Variants in CTNNA3 observed in about 807,000 individuals in gnomAD.
The protein encoded by CTNNA3 is catenin alpha-3.
CTNNA3 carries 76 observed loss-of-function variants against 95.7 expected under a neutral mutation model. That is an observed-to-expected ratio of 0.79 (90% CI 0.66 to 0.96). The LOEUF is 0.96. Among genes scored for constraint, CTNNA3 ranks in the 40% least tolerant of loss-of-function variants. The pLI is 0.00. For synonymous variants in CTNNA3, 431 were observed against 374.4 expected, an observed-to-expected ratio of 1.15 and a Z score of -1.74; for missense variants, 1,191 against 1,089.8, an observed-to-expected ratio of 1.09 and a Z score of -1.31.
intron 4 of CTNNA3, among the ~76,000 whole-genome samples, chr10:67,523,012 T>C (rs1840031260): frequency 6.6e-6 from 1 of 152,158 alleles, no homozygotes; most frequent in African/African-American, 2.4e-5. Flanking sequence ...TTATAGAATA[T>C]AATTAAGTTT....
At chr10:66,751,576 C>G (rs1839143034) in intron 9 of CTNNA3, among the ~76,000 whole-genome samples, 1 of 152,114 alleles carries the variant, frequency 6.6e-6, no homozygotes, top group Non-Finnish European at 1.5e-5. Flanking sequence ...TCTTCATCTT[C>G]CTAATGAGAG....
intron 17 of CTNNA3, among the ~76,000 whole-genome samples, chr10:65,939,035 T>C (rs1346020076): frequency 6.6e-6 from 1 of 152,058 alleles, no homozygotes; most frequent in African/African-American, 2.4e-5. Context: ...CCCAAGTAGC[T>C]GGGACTACAG....
At chr10:66,003,378 A>G (rs1051520020) in intron 15 of CTNNA3, among the ~76,000 whole-genome samples, 3 of 151,750 alleles carry the variant, frequency 2.0e-5, no homozygotes, top group Non-Finnish European at 4.4e-5. Context: ...CCCTTCCTCA[A>G]ATTCACTACT....
chr10:66,368,969 T>C (rs2092733129), intron 12 of CTNNA3, among the ~76,000 whole-genome samples: 1 of 152,166 alleles, frequency 6.6e-6, no homozygotes, highest in African/African-American at 2.4e-5. Flanking sequence ...AATGATACTT[T>C]TAAAAATCCC....
At chr10:66,113,848 G>T (rs2082208993) in intron 13 of CTNNA3, among the ~76,000 whole-genome samples, 1 of 152,150 alleles carries the variant, frequency 6.6e-6, no homozygotes, top group Non-Finnish European at 1.5e-5. Context: ...GACTATGTAG[G>T]ATGATGTGAG....
intron 1 of CTNNA3, among the ~76,000 whole-genome samples, chr10:67,703,134 A>G (rs1841054575): frequency 6.6e-6 from 1 of 152,240 alleles, no homozygotes; most frequent in Non-Finnish European, 1.5e-5. Flanking sequence ...GCAACAATCA[A>G]TAGCTTACCC....
chr10:66,913,127 T>A (rs908378008), intron 7 of CTNNA3, among the ~76,000 whole-genome samples: 1 of 149,342 alleles, frequency 6.7e-6, no homozygotes, highest in Non-Finnish European at 1.5e-5. Context: ...TAGTCCCAGC[T>A]ACTCGGGAGG....
In CTNNA3 at chr10:65,917,454, T is replaced by C. The variant is rs1015459380; in HGVS notation, c.*2876A>G. On this transcript the variant is annotated 3_prime_UTR_variant, in exon 18 of 18. Transcript: ENST00000433211. ...AATTAGAAGGCCATTTAGTGGATTATTATTTCGTTTTTTTTTAAATTTTCA... is the reference window on the plus strand; with the variant it reads ...AATTAGAAGGCCATTTAGTGGATTACTATTTCGTTTTTTTTTAAATTTTCA... 5.4e-5 allele frequency: 3 copies of C among 55,454 alleles called. No homozygotes were observed. The highest frequency in any genetic ancestry group is 8.9e-5 in the African/African-American group (1 of 11,290). The allele number at this position is 55,454 out of a possible 1,614,324, so 3.4% of individuals were successfully genotyped here. A position where few individuals can be genotyped will look rare whatever the true frequency, so the allele number is the denominator to read the frequency against.
intron 12 of CTNNA3, among the ~76,000 whole-genome samples, chr10:66,281,573 T>C (rs893856044): frequency 6.6e-6 from 1 of 151,930 alleles, no homozygotes; most frequent in African/African-American, 2.4e-5. Context: ...ACTAATCTAC[T>C]ATATCATAGT....
intron 13 of CTNNA3, among the ~76,000 whole-genome samples, chr10:66,224,803 T>C (rs2089179476): frequency 6.6e-6 from 1 of 152,140 alleles, no homozygotes; most frequent in East Asian, 1.9e-4. Context: ...ACACTAAAAT[T>C]CATAGTCCTT....
intron 9 of CTNNA3, among the ~76,000 whole-genome samples, chr10:66,755,994 T>C (rs1839349422): frequency 6.6e-6 from 1 of 152,240 alleles, no homozygotes; most frequent in Non-Finnish European, 1.5e-5. Flanking sequence ...TTTCTTCTGA[T>C]TGTGATTGAA....
intron 5 of CTNNA3, among the ~76,000 whole-genome samples, chr10:67,237,526 C>T (rs1865543591): frequency 6.6e-6 from 1 of 151,390 alleles, no homozygotes; most frequent in Admixed American, 6.6e-5. Context: ...TCCCCAATAA[C>T]TTATGGAAAT....
rs912182956 is a variant in CTNNA3, at chr10:67,750,326, A to AT, written c.-2+13107dup. The AT allele has an allele frequency of 2.6e-6, 4 of 1,524,664 alleles. No individual in the cohort carries two copies. In the African/African-American group the frequency reaches 5.5e-5, roughly 21 times the overall value. 94.4% of individuals were successfully genotyped at this position (1,524,664 alleles called of 1,614,324 possible). A position where few individuals can be genotyped will look rare whatever the true frequency, so the allele number is the denominator to read the frequency against. The stretch of plus-strand genomic sequence containing the variant: ...GCTCAATACCAAAGCCAAGATGCCC[A>AT]TTGTGGGCCTGGGCACTTGGAAGTC... On this transcript the variant is annotated intron_variant, in intron 1 of 17. Transcript: ENST00000684154.
chr10:67,010,076 C>A (rs956423533), intron 7 of CTNNA3, among the ~76,000 whole-genome samples: 3 of 152,132 alleles, frequency 2.0e-5, no homozygotes, highest in Admixed American at 1.3e-4. Context: ...TTAGAACCTT[C>A]AAGATTGTGA....
At chr10:67,519,517 A>T (rs1171182414) in intron 5 of CTNNA3, among the ~76,000 whole-genome samples, 1 of 152,164 alleles carries the variant, frequency 6.6e-6, no homozygotes, top group Non-Finnish European at 1.5e-5. Flanking sequence ...AAACACATTG[A>T]TTTTAATTGC....
chr10:66,212,440 T>C (rs1364732677), intron 13 of CTNNA3, among the ~76,000 whole-genome samples: 1 of 152,232 alleles, frequency 6.6e-6, no homozygotes, highest in African/African-American at 2.4e-5. Flanking sequence ...TAAACATTTC[T>C]TATTAGCATC....
chr10:66,757,498 C>T (rs1839409636), intron 9 of CTNNA3, among the ~76,000 whole-genome samples: 1 of 152,108 alleles, frequency 6.6e-6, no homozygotes, highest in Non-Finnish European at 1.5e-5. Flanking sequence ...GGTCTTGTGT[C>T]CTGGGCTAAT....
At chr10:66,082,764 G>T (rs1465749324) in intron 14 of CTNNA3, among the ~76,000 whole-genome samples, 1 of 152,066 alleles carries the variant, frequency 6.6e-6, no homozygotes, top group Admixed American at 6.6e-5. Flanking sequence ...CACCTGAATT[G>T]TCATATGTAT....
chr10:67,195,036 C>A (rs1022847253), intron 6 of CTNNA3, among the ~76,000 whole-genome samples: 1 of 151,810 alleles, frequency 6.6e-6, no homozygotes. Flanking sequence ...TGGGAAGAAT[C>A]AAAATGTGTC....
Sources: allele counts gnomAD v4.1 joint callset (sites outside exome capture counted in the v4.1 genomes callset), GRCh38; gene constraint gnomAD v4.1.1; transcripts MANE v1.5; gene names NCBI Gene and HGNC (gene_info 2026-07-23, HGNC 2026-07-21).